The following PRDM16 variants were observed in gnomAD, a reference collection of about 807,000 sequenced individuals.
PRDM16 encodes histone-lysine N-methyltransferase PRDM16.
Under a neutral mutation model 110.6 loss-of-function variants are expected in PRDM16, and 23 were observed. The observed-to-expected ratio is 0.21, with a 90% CI of 0.15 to 0.29. The LOEUF is 0.29. Among genes scored for constraint, PRDM16 ranks in the 10% least tolerant of loss-of-function variants. The pLI, the probability that PRDM16 is intolerant of heterozygous loss-of-function variation, is 1.00. For missense variants in PRDM16, 1,615 were observed against 1,794.3 expected (o/e 0.90, Z 1.81); for synonymous variants, 799 against 781.8 (o/e 1.02, Z -0.37).
In PRDM16 at chr1:3,181,383, CACGGCCTT is replaced by C. The variant is rs368127824; in HGVS notation, c.38-4738_38-4731del. Among the ~76,000 whole-genome samples, 10 of 18,854 alleles carry C rather than the reference CACGGCCTT, an allele frequency of 5.3e-4. 2 individuals carry two copies. Among genetic ancestry groups the C allele is most frequent in the Admixed American group, 1.8e-3 (2 of 1,130 alleles). 12.4% of individuals were successfully genotyped at this position (18,854 alleles called of 152,430 possible). ...ACGGTCTTACACACGCAGTCTTACA[CACGGCCTT>C]ACGCATGGTCTTACACACGCAGTCT... On this transcript the variant is annotated intron_variant, in intron 1 of 16. Transcript: ENST00000270722.
chr1:3,083,697 G>A (rs2100583204), intron 1 of PRDM16, among the ~76,000 whole-genome samples: 1 of 152,284 alleles, frequency 6.6e-6, no homozygotes, highest in Non-Finnish European at 1.5e-5. Flanking sequence ...AGGGGGTTGG[G>A]GGTGTTGTTT....
In PRDM16 at chr1:3,148,388, G is replaced by A. The variant is rs1281818973; in HGVS notation, c.38-37737G>A. On this transcript the variant is annotated intron_variant, in intron 1 of 16. Coordinates refer to ENST00000270722, the MANE Select transcript of PRDM16 (RefSeq NM_022114.4). This position sits in a 1 kb window ranked among gnomAD's most constrained non-coding sequence, Gnocchi z 5.0. ...GGAGCCAGGAGCTGCAGGAGGGCCA[G>A]TGGCCAGAGGTGAGGAAGGAGCTGT... Among the ~76,000 whole-genome samples, 1 of 152,152 alleles carries A rather than the reference G, an allele frequency of 6.6e-6. No individual in the cohort carries two copies. The highest frequency in any genetic ancestry group is 2.4e-5 in the African/African-American group (1 of 41,424).
intron 3 of PRDM16, among the ~76,000 whole-genome samples, chr1:3,363,167 C>T (rs760750303): frequency 2.6e-4 from 39 of 152,154 alleles, no homozygotes; most frequent in Non-Finnish European, 4.0e-4. Flanking sequence ...GCCCGGGGGT[C>T]GGGTGGTAAA....
chr1:3,352,620 G>A (rs1383587150), intron 3 of PRDM16, among the ~76,000 whole-genome samples: 1 of 152,254 alleles, frequency 6.6e-6, no homozygotes, highest in Non-Finnish European at 1.5e-5. Flanking sequence ...GAACCGCGCA[G>A]CACAGCTTGT....
chr1:3,436,867 A>G lies in PRDM16; in HGVS notation c.*3056A>G. On this transcript the variant is annotated 3_prime_UTR_variant, in exon 17 of 17. Coordinates refer to ENST00000270722, the MANE Select transcript of PRDM16 (RefSeq NM_022114.4). Reference sequence around the variant, plus strand: ...GTCCAGGGCCCTTCCGTTCAGCCCAAATGCTGCCCCAATGCTAACTCCTTG... The same window carrying G: ...GTCCAGGGCCCTTCCGTTCAGCCCAGATGCTGCCCCAATGCTAACTCCTTG... 1 of 232,708 alleles carries G rather than the reference A, an allele frequency of 4.3e-6. No individual in the cohort carries two copies. Among genetic ancestry groups the G allele is most frequent in the Non-Finnish European group, 8.5e-6 (1 of 117,712 alleles). The allele number at this position is 232,708 out of a possible 1,614,324, so 14.4% of individuals were successfully genotyped here.
At position 3,198,908 on chromosome 1, in the gene PRDM16, C is replaced by T. The variant is rs374494078; in HGVS notation, c.387+12434C>T. 5.1e-4 allele frequency among the ~76,000 whole-genome samples: 78 copies of T among 152,300 alleles called. No homozygotes were observed. The South Asian group carries it at 0.013, about 26-fold the overall frequency. ...ATTTAGATCTCTCTAAAGTCCATTC[C>T]GGCTTATCAGCACCGTAATTTCACG... On this transcript the variant is annotated intron_variant, in intron 2 of 16. Coordinates refer to ENST00000270722, the MANE Select transcript of PRDM16 (RefSeq NM_022114.4).
At chr1:3,408,687 A>C (rs1643606272) in intron 8 of PRDM16, among the ~76,000 whole-genome samples, 1 of 136,202 alleles carries the variant, frequency 7.3e-6, no homozygotes, top group Non-Finnish European at 1.5e-5. Context: ...TGAGCACGTG[A>C]GCCGGTGCAT....
intron 3 of PRDM16, among the ~76,000 whole-genome samples, chr1:3,321,767 A>G (rs542783873): frequency 1.6e-4 from 24 of 145,540 alleles, no homozygotes; most frequent in South Asian, 4.4e-4. Flanking sequence ...GTGTTTGTGT[A>G]TGTGTGCACG....
At chr1:3,340,477 A>G (rs978382825) in intron 3 of PRDM16, among the ~76,000 whole-genome samples, 18 of 152,200 alleles carry the variant, frequency 1.2e-4, no homozygotes, top group Non-Finnish European at 2.2e-4. Context: ...GCATCTGGGG[A>G]TGTCTGGAAC....
At chr1:3,277,282 C>T (rs765529911) in intron 3 of PRDM16, among the ~76,000 whole-genome samples, 10 of 152,186 alleles carry the variant, frequency 6.6e-5, no homozygotes, top group Admixed American at 3.9e-4. Flanking sequence ...CTGGCTGCTG[C>T]GCCACCCGGG....
At chr1:3,318,590 A>G (rs1641667356) in intron 3 of PRDM16, among the ~76,000 whole-genome samples, 1 of 152,060 alleles carries the variant, frequency 6.6e-6, no homozygotes, top group South Asian at 2.1e-4. Flanking sequence ...ATCATCTATC[A>G]CTCATCTGTC....
chr1:3,389,984 T>G (rs1643272228), intron 4 of PRDM16, among the ~76,000 whole-genome samples: 1 of 104,744 alleles, frequency 9.5e-6, no homozygotes, highest in African/African-American at 3.5e-5. Context: ...GCTCCTACTT[T>G]CCCTTTTGGA....
intron 3 of PRDM16, among the ~76,000 whole-genome samples, chr1:3,296,937 A>G (rs1570015562): frequency 1.3e-5 from 2 of 152,324 alleles, no homozygotes; most frequent in South Asian, 2.1e-4. Context: ...TCAGACACTC[A>G]TATCAGCCTA....
intron 4 of PRDM16, among the ~76,000 whole-genome samples, chr1:3,387,476 C>T (rs1056465927): frequency 2.0e-5 from 3 of 152,232 alleles, no homozygotes; most frequent in Admixed American, 6.5e-5. Flanking sequence ...TTCCGACCCC[C>T]TCAACCCCCT....
intron 3 of PRDM16, among the ~76,000 whole-genome samples, chr1:3,294,385 C>T (rs114130305): frequency 1.2e-3 from 182 of 152,216 alleles, no homozygotes; most frequent in African/African-American, 3.9e-3. Flanking sequence ...GAGGCACTTC[C>T]AGCAGTCCTG....
rs556864145 is a variant in PRDM16 at position 3,175,185 on chromosome 1, G to A, written c.38-10940G>A. Among the ~76,000 whole-genome samples, 2 of 152,326 alleles carry A rather than the reference G, an allele frequency of 1.3e-5. No homozygotes were observed. Among genetic ancestry groups the A allele is most frequent in the South Asian group, 2.1e-4 (1 of 4,818 alleles). ...GTTTTAAAGACAGAAGAACAAGATA[G>A]AACTCCATCAGTTCCCAAGTTTCTC... On this transcript the variant is annotated intron_variant, in intron 1 of 16. Coordinates refer to ENST00000270722, the MANE Select transcript of PRDM16 (RefSeq NM_022114.4). This position sits in a 1 kb window ranked among gnomAD's most constrained non-coding sequence, Gnocchi z 4.8.
At chr1:3,302,741 CAAACGTGGA>C (rs1448333245) in intron 3 of PRDM16, among the ~76,000 whole-genome samples, 2 of 152,146 alleles carry the variant, frequency 1.3e-5, no homozygotes, top group Non-Finnish European at 1.5e-5. Context: ...ACAAAAAAAC[CAAACGTGGA>C]AAACATGGCA....
intron 1 of PRDM16, among the ~76,000 whole-genome samples, chr1:3,113,992 G>A (rs761309107): frequency 7.9e-5 from 12 of 152,196 alleles, no homozygotes; most frequent in Admixed American, 1.3e-4. Context: ...TGGTTCCTCT[G>A]TTTTCTTTGG....
chr1:3,303,293 A>C (rs191556187), intron 3 of PRDM16, among the ~76,000 whole-genome samples: 356 of 151,790 alleles, frequency 2.3e-3, no homozygotes, highest in African/African-American at 8.4e-3. Context: ...TGCCTCTTCC[A>C]GACATTTCCT....
Sources: allele counts gnomAD v4.1 joint callset (sites outside exome capture counted in the v4.1 genomes callset), GRCh38; gene constraint gnomAD v4.1.1; non-coding constraint Gnocchi (gnomAD v3.1); transcripts MANE v1.5; gene names NCBI Gene and HGNC (gene_info 2026-07-23, HGNC 2026-07-21).